POLR1G: variants seen among roughly 807,000 people sequenced by gnomAD.
POLR1G encodes the protein DNA-directed RNA polymerase I subunit RPA34.
POLR1G carries 9 observed loss-of-function variants against 6.3 expected under a neutral mutation model. The ratio of observed to expected loss-of-function variants is 1.44; its 90% CI spans 0.87 to 2.51. The LOEUF (loss-of-function observed/expected upper bound fraction) is 2.51. Ranked by LOEUF, POLR1G falls within the 30% of genes most tolerant of loss-of-function variation. The probability of loss-of-function intolerance (pLI) is 0.00; values close to 1 mark genes in which losing one functional copy is unlikely to be tolerated. For synonymous variants in POLR1G, 248 were observed against 256.5 expected, an observed-to-expected ratio of 0.97 and a Z score of 0.32; for missense variants, 617 against 632.5, an observed-to-expected ratio of 0.98 and a Z score of 0.26.
Position 45,409,896 on chromosome 19 carries a change from T to TTATTA in POLR1G, c.*396_*397insATTAT, listed in dbSNP as rs1555785259. 2,043 of 159,372 alleles carry TTATTA rather than the reference T, an allele frequency of 0.013. 31 individuals are homozygous for TTATTA. Among genetic ancestry groups the TTATTA allele is most frequent in the African/African-American group, 0.077 (1,356 of 17,678 alleles). The allele number at this position is 159,372 out of a possible 1,614,324, so 9.9% of individuals were successfully genotyped here. The stretch of plus-strand genomic sequence containing the variant: ...TTTTAAGTTATTATTATTATTATTA[T>TTATTA]TTTTTTTTTTTTTGAGATGGAGTCT... On this transcript the variant is annotated 3_prime_UTR_variant, in exon 3 of 3. Transcript: ENST00000309424.
At chr19:45,407,533 G>A (rs188831361) in intron 2 of POLR1G, 4 of 365,836 alleles carry the variant, frequency 1.1e-5, no homozygotes, top group Admixed American at 4.8e-5. Context: ...CATTAATCCT[G>A]CAACCTAAGC....
chr19:45,407,382 A>G (rs1451401551), intron 2 of POLR1G, 147 bp downstream of exon 2: 1 of 695,426 alleles, frequency 1.4e-6, no homozygotes. Context: ...TACAGAGTAG[A>G]GTGTCCTCAG....
Position 45,409,017 on chromosome 19 carries a change from TGGAGCC to T in POLR1G, c.1054_1059del (p.Pro352_Glu353del). ...CCAGGGACGGAGGCGATGGAGCCAGTGGAGCCGGAGATGAAGCCTCTGGAGTCCCCA... is the reference window on the plus strand; with the variant it reads ...CCAGGGACGGAGGCGATGGAGCCAGTGGAGATGAAGCCTCTGGAGTCCCCA... On this transcript the variant is annotated inframe_deletion, in exon 3 of 3. Transcript: ENST00000309424. 6.2e-7 allele frequency: 1 copy of T among 1,613,942 alleles called. No individual in the cohort carries two copies.
chr19:45,408,071 A>T (rs202063629), intron 2 of POLR1G, 62 bp from the exon 3 acceptor site: 1 of 1,488,698 alleles, frequency 6.7e-7, no homozygotes. Context: ...CAAAAAAAAA[A>T]TCAAAAAACC....
rs756199096 is a variant in POLR1G, at chr19:45,408,622, T to G, written c.654T>G (p.Asn218Lys). The stretch of plus-strand genomic sequence containing the variant: ...TGCGGAAGAAGAAGAAGAAAAAAAA[T>G]CAGCAGCTGAAAGAACCAGAGGCAG... Reference protein sequence around the residue: ...MDVRKKKKKKNQQLKEPEAAG... With the variant: ...MDVRKKKKKKKQQLKEPEAAG... The change falls in exon 3 of 3, where the codon AAT becomes AAG. Residue 218 changes from asparagine (N) to lysine (K), a missense_variant. Asn to Lys is a moderately conservative substitution (Grantham distance 94). Coordinates refer to ENST00000309424, the MANE Select transcript of POLR1G (RefSeq NM_012099.3). 1 of 1,610,722 alleles carries G rather than the reference T, an allele frequency of 6.2e-7. No individual in the cohort carries two copies. The highest frequency in any genetic ancestry group is 8.5e-7 in the Non-Finnish European group (1 of 1,179,324).
At position 45,409,904 on chromosome 19, in the gene POLR1G, T is replaced by A. The variant is rs559719306; in HGVS notation, c.*403T>A. 4.2e-3 allele frequency: 1,029 copies of A among 247,592 alleles called. 15 individuals are homozygous for A. The highest frequency in any genetic ancestry group is 0.024 in the African/African-American group (962 of 39,526). 15.3% of individuals were successfully genotyped at this position (247,592 alleles called of 1,614,324 possible). On this transcript the variant is annotated 3_prime_UTR_variant, in exon 3 of 3. Transcript: ENST00000309424. ...TATTATTATTATTATTATTTTTTTTTTTTTTGAGATGGAGTCTCGCTCTGT... is the reference window on the plus strand; with the variant it reads ...TATTATTATTATTATTATTTTTTTTATTTTTGAGATGGAGTCTCGCTCTGT...
Position 45,406,781 on chromosome 19 carries a change from G to T in POLR1G, c.22+63G>T. ...GGTGGAAGGAGAAAGGGGCGTCCGA[G>T]AGGGTTCGGGCGGAAAAGGAGGCGT... is the stretch of plus-strand genomic sequence containing the variant. On this transcript the variant is annotated intron_variant, in intron 1 of 2. Coordinates refer to ENST00000309424, the MANE Select transcript of POLR1G (RefSeq NM_012099.3). The surrounding 1 kb of genome is among the most constrained non-coding windows in gnomAD (Gnocchi z 4.2). 6.9e-7 allele frequency: 1 copy of T among 1,449,562 alleles called. No individual in the cohort carries two copies. The allele number at this position is 1,449,562 out of a possible 1,614,324, so 89.8% of individuals were successfully genotyped here. A position where few individuals can be genotyped will look rare whatever the true frequency, so the allele number is the denominator to read the frequency against.
In POLR1G at chr19:45,409,830, A is replaced by G. The variant is rs1283544039; in HGVS notation, c.*329A>G. The G allele has an allele frequency of 2.5e-5, 18 of 706,502 alleles. No homozygotes were observed. The highest frequency in any genetic ancestry group is 6.2e-5 in the Admixed American group (3 of 48,400). The allele number at this position is 706,502 out of a possible 1,614,324, so 43.8% of individuals were successfully genotyped here. On this transcript the variant is annotated 3_prime_UTR_variant, in exon 3 of 3. Transcript: ENST00000309424. ...TTCTTTATTTTCCCCTATACCCTCA[A>G]GCATTTATCCATTGAGTTACAAACA...
chr19:45,407,289 G>A (rs746791432), intron 2 of POLR1G, 54 bp downstream of exon 2: 44 of 1,544,042 alleles, frequency 2.8e-5, no homozygotes, highest in Non-Finnish European at 3.2e-5. Context: ...CCAAGAGCGG[G>A]TTCTTGAATT....
chr19:45,409,309 G>T lies in POLR1G; in HGVS notation c.1341G>T (p.Gly447=). 1.2e-6 allele frequency: 2 copies of T among 1,614,106 alleles called. No individual in the cohort carries two copies. The highest frequency in any genetic ancestry group is 1.7e-6 in the Non-Finnish European group (2 of 1,180,020). The change falls in exon 3 of 3, where the codon GGG becomes GGT. Residue 447 remains glycine (G), a synonymous_variant. Coordinates refer to ENST00000309424, the MANE Select transcript of POLR1G (RefSeq NM_012099.3). ...PIQPLEPELP[G]EGQPEARATP... ...AGCCACTAGAGCCTGAACTGCCAGG[G>T]GAGGGACAGCCTGAAGCCAGGGCAA...
rs747329205 is a variant in POLR1G, at chr19:45,408,928, A to G, written c.960A>G (p.Glu320=). 47 of 1,613,996 alleles carry G rather than the reference A, an allele frequency of 2.9e-5. No individual in the cohort carries two copies. Among genetic ancestry groups the G allele is most frequent in the Non-Finnish European group, 4.0e-5 (47 of 1,180,006 alleles). The change falls in exon 3 of 3, where the codon GAA becomes GAG. Residue 320 remains glutamate (E), a synonymous_variant. Coordinates refer to ENST00000309424, the MANE Select transcript of POLR1G (RefSeq NM_012099.3). ...QPQVKVEPLE[E]AIPLPPTKKR... ...AGGTGAAGGTGGAGCCACTGGAGGA[A>G]GCCATCCCTCTGCCCCCTACGAAGA...
In POLR1G at chr19:45,408,822, C is replaced by T. The variant is rs1973505692; in HGVS notation, c.854C>T (p.Ser285Phe). The stretch of plus-strand genomic sequence containing the variant: ...GAGCCTCTAGAAGACACAGTCCTGT[C>T]CCCGACCAAAAAGAGAAAGAGGCAA... ...NTEPLEDTVL[S>F]PTKKRKRQKG... Residue 285 changes from serine to phenylalanine, a missense_variant, in exon 3 of 3, where the codon TCC becomes TTC. Coordinates refer to ENST00000309424, the MANE Select transcript of POLR1G (RefSeq NM_012099.3). 1 of 1,613,978 alleles carries T rather than the reference C, an allele frequency of 6.2e-7. No homozygotes were observed.
rs746659793 is a variant in POLR1G, at chr19:45,409,722, G to C, written c.*221G>C. 2 of 830,406 alleles carry C rather than the reference G, an allele frequency of 2.4e-6. No individual in the cohort carries two copies. Among genetic ancestry groups the C allele is most frequent in the Non-Finnish European group, 2.1e-6 (1 of 465,312 alleles). 51.4% of individuals were successfully genotyped at this position (830,406 alleles called of 1,614,324 possible). On this transcript the variant is annotated 3_prime_UTR_variant, in exon 3 of 3. Transcript: ENST00000309424. ...TCGTGCAGGACATCAAACAGCCTCC[G>C]GGCCTGGATGGGAGGGAGAAAAAAA...
Position 45,409,181 on chromosome 19 carries a change from G to A in POLR1G, c.1213G>A (p.Gly405Arg). 6.2e-7 allele frequency: 1 copy of A among 1,613,494 alleles called. No individual in the cohort carries two copies. Among genetic ancestry groups the A allele is most frequent in the Middle Eastern group, 1.7e-4 (1 of 6,058 alleles). ...AGTGGAGCCAGAGACAGAGGTGGTG[G>A]GGCCTGAGCTGCCGGATGACCTTGA... ...ATVEPETEVV[G>R]PELPDDLEPQ... The change falls in exon 3 of 3, where the codon GGG (glycine) becomes AGG (arginine). Residue 405 changes from glycine (G) to arginine (R), a missense_variant. Physicochemically the swap from Gly to Arg is moderately radical, Grantham distance 125. Transcript: ENST00000309424.
chr19:45,408,426 G>C lies in POLR1G; in HGVS notation c.458G>C (p.Gly153Ala), dbSNP rs1368490552. The change falls in exon 3 of 3, where the codon GGG becomes GCG. Residue 153 changes from glycine to alanine, a missense_variant. Gly to Ala is a moderately conservative substitution (Grantham distance 60, BLOSUM62 0). Coordinates refer to ENST00000309424, the MANE Select transcript of POLR1G (RefSeq NM_012099.3). ...CTGAGGCCTCGGTTCTGTGCCTTTGGGGGCAACCCACCAGTCACAGGGCCT... is the reference window on the plus strand; with the variant it reads ...CTGAGGCCTCGGTTCTGTGCCTTTGCGGGCAACCCACCAGTCACAGGGCCT... Reference protein sequence around the residue: ...PGLRPRFCAFGGNPPVTGPRS... With the variant: ...PGLRPRFCAFAGNPPVTGPRS... 1 of 1,613,664 alleles carries C rather than the reference G, an allele frequency of 6.2e-7. No individual in the cohort carries two copies. Among genetic ancestry groups the C allele is most frequent in the South Asian group, 1.1e-5 (1 of 91,072 alleles).
chr19:45,409,349 A>C lies in POLR1G; in HGVS notation c.1381A>C (p.Lys461Gln). The C allele has an allele frequency of 6.2e-7, 1 of 1,614,074 alleles. No homozygotes were observed. Among genetic ancestry groups the C allele is most frequent in the Non-Finnish European group, 8.5e-7 (1 of 1,180,006 alleles). ...AGCCAGGGCAACTCCGGGATCCACCAAGAAGAGGAAGAAGCAGAGTCAGGA... is the reference window on the plus strand; with the variant it reads ...AGCCAGGGCAACTCCGGGATCCACCCAGAAGAGGAAGAAGCAGAGTCAGGA... ...PEARATPGST[K>Q]KRKKQSQESR... The change falls in exon 3 of 3, where the codon AAG (lysine) becomes CAG (glutamine). Residue 461 changes from lysine (K) to glutamine (Q), a missense_variant. Lys to Gln is a moderately conservative substitution (Grantham distance 53). Coordinates refer to ENST00000309424, the MANE Select transcript of POLR1G (RefSeq NM_012099.3).
intron 2 of POLR1G, 23 bp downstream of exon 2, chr19:45,407,258 A>C (rs779704319): frequency 2.9e-5 from 47 of 1,606,970 alleles, no homozygotes; most frequent in Non-Finnish European, 3.8e-5. Context: ...GTTGACGGAA[A>C]AGAGGGTCCC....
In POLR1G at chr19:45,408,984, T is replaced by TGATGGAGCCAGGGACGGAGGC. The variant is rs1568570769; in HGVS notation, c.1028_1048dup (p.Gly343_Pro349dup). On this transcript the variant is annotated inframe_insertion, in exon 3 of 3. Transcript: ENST00000309424. ...AAAAAAGAAAAGGGACAGATGGCAATGATGGAGCCAGGGACGGAGGCGATG... is the reference window on the plus strand; with the variant it reads ...AAAAAAGAAAAGGGACAGATGGCAATGATGGAGCCAGGGACGGAGGCGATGGAGCCAGGGACGGAGGCGATG... 1.2e-6 allele frequency: 2 copies of TGATGGAGCCAGGGACGGAGGC among 1,613,432 alleles called. No homozygotes were observed. The highest frequency in any genetic ancestry group is 1.1e-5 in the South Asian group (1 of 91,042).
Position 45,408,449 on chromosome 19 carries a change from C to T in POLR1G, c.481C>T (p.Pro161Ser). The T allele has an allele frequency of 6.2e-7, 1 of 1,613,838 alleles. No homozygotes were observed. The highest frequency in any genetic ancestry group is 2.2e-5 in the East Asian group (1 of 44,880). Residue 161 changes from proline (P) to serine (S), a missense_variant, in exon 3 of 3, where the codon CCT (proline) becomes TCT (serine). Transcript: ENST00000309424. ...TGGGGGCAACCCACCAGTCACAGGG[C>T]CTAGGTCAGCCTTGGCCCCCAACCT... ...AFGGNPPVTG[P>S]RSALAPNLLT...
Sources: gnomAD v4.1 joint callset for allele counts on GRCh38, gnomAD v4.1.1 for gene constraint, Gnocchi (gnomAD v3.1) non-coding constraint, MANE v1.5 for transcripts, NCBI Gene and HGNC (gene_info 2026-07-23, HGNC 2026-07-21) for gene names.